DMD: variants seen among roughly 807,000 people sequenced by gnomAD.
DMD encodes dystrophin, also known as mutant dystrophin.
DMD carries 63 observed loss-of-function variants against 330.1 expected under a neutral mutation model. The observed-to-expected ratio is 0.19, with a 90% CI of 0.16 to 0.24. DMD has a LOEUF of 0.24. Among genes scored for constraint, DMD ranks in the 10% least tolerant of loss-of-function variants. DMD has a pLI of 1.00. For synonymous variants in DMD, 1,223 were observed against 959.8 expected, an observed-to-expected ratio of 1.27 and a Z score of -5.07; for missense variants, 3,344 against 2,684.1, an observed-to-expected ratio of 1.25 and a Z score of -5.43.
intron 1 of DMD, among the ~76,000 whole-genome samples, chrX:33,123,292 T>A (rs2095436331): frequency 1.8e-5 from 2 of 112,311 alleles, no homozygotes. Context: ...CACATAACTG[T>A]ATATATCCTG....
intron 16 of DMD, among the ~76,000 whole-genome samples, chrX:32,548,926 G>C (rs1485925486): frequency 9.0e-6 from 1 of 111,493 alleles, no homozygotes; most frequent in African/African-American, 3.2e-5. Context: ...ATAGAATATA[G>C]TTTGACCTAT....
chrX:32,496,437 G>C (rs1342871138), intron 19 of DMD, among the ~76,000 whole-genome samples: 2 of 111,798 alleles, frequency 1.8e-5, no homozygotes, highest in Non-Finnish European at 3.8e-5. Context: ...TGACCACACT[G>C]ACTTAAAGTA....
intron 2 of DMD, among the ~76,000 whole-genome samples, chrX:32,887,954 C>T (rs1486538208): frequency 9.2e-6 from 1 of 108,778 alleles, no homozygotes; most frequent in African/African-American, 3.4e-5. Flanking sequence ...TTCTCCTGCT[C>T]CATGAGTTGT....
intron 50 of DMD, among the ~76,000 whole-genome samples, chrX:31,787,371 T>G (rs1014659665): frequency 8.9e-6 from 1 of 112,001 alleles, no homozygotes; most frequent in African/African-American, 3.2e-5. Context: ...AATCATTCTC[T>G]AAATAAATAA....
chrX:31,451,278 TC>T (rs2065722708), intron 59 of DMD, among the ~76,000 whole-genome samples: 7 of 64,177 alleles, frequency 1.1e-4, no homozygotes, highest in South Asian at 1.3e-3. Context: ...TTCCTTTCTT[TC>T]CTTTTTTTTT....
intron 47 of DMD, among the ~76,000 whole-genome samples, chrX:31,911,809 T>A (rs1163369156): frequency 9.0e-6 from 1 of 111,264 alleles, no homozygotes; most frequent in Non-Finnish European, 1.9e-5. Flanking sequence ...TCGAAGCTGA[T>A]CCTCTTACAA....
At chrX:32,200,171 G>A (rs961890644) in intron 44 of DMD, among the ~76,000 whole-genome samples, 3 of 110,686 alleles carry the variant, frequency 2.7e-5, no homozygotes, top group African/African-American at 6.6e-5. Flanking sequence ...GGAGAGGAGC[G>A]GAGCTGGGAA....
Position 31,478,984 on chromosome X carries a change from T to C in DMD, c.8667A>G (p.Arg2889=). 1 of 1,210,463 alleles carries C rather than the reference T, an allele frequency of 8.3e-7. No homozygotes were observed. Among genetic ancestry groups the C allele is most frequent in the Non-Finnish European group, 1.1e-6 (1 of 894,431 alleles). The change falls in exon 58 of 79, where the codon AGA becomes AGG. Residue 2889 remains arginine, a splice_region_variant and synonymous_variant. Transcript: ENST00000357033. The part of the protein sequence containing the change: ...EGLEKLYQEP[R]ELPPEERAQN... ...TATTATAGTTCCACATTCAATTACC[T>C]CTGGGCTCCTGGTAGAGTTTCTCTA...
At chrX:31,814,843 T>C (rs914685297) in intron 50 of DMD, among the ~76,000 whole-genome samples, 1 of 112,216 alleles carries the variant, frequency 8.9e-6, no homozygotes, top group Non-Finnish European at 1.9e-5. Context: ...GAGGAACTTA[T>C]GGCTTTTCTT....
At chrX:31,353,788 G>C (rs1344978868) in intron 60 of DMD, among the ~76,000 whole-genome samples, 1 of 111,601 alleles carries the variant, frequency 9.0e-6, no homozygotes, top group African/African-American at 3.3e-5. Context: ...AGGGAAGTGA[G>C]ACTAAAAGGG....
At chrX:32,610,662 T>C (rs1444714322) in intron 12 of DMD, among the ~76,000 whole-genome samples, 9 of 111,410 alleles carry the variant, frequency 8.1e-5, no homozygotes, top group Admixed American at 2.9e-4. Context: ...ATCTGTATCT[T>C]TTCTTTAATT....
intron 41 of DMD, among the ~76,000 whole-genome samples, chrX:32,318,905 A>G (rs2097595789): frequency 1.8e-5 from 2 of 111,187 alleles, no homozygotes; most frequent in Admixed American, 1.9e-4. Context: ...CCAGGTATAA[A>G]TAGTGTCCTA....
In DMD at chrX:32,644,247, G is replaced by C. The variant is rs1569374104; in HGVS notation, c.1216C>G (p.Leu406Val). 3 of 1,210,795 alleles carry C rather than the reference G, an allele frequency of 2.5e-6. No individual in the cohort carries two copies. The highest frequency in any genetic ancestry group is 3.4e-6 in the Non-Finnish European group (3 of 894,953). ...TCTGATAATTTTCCTGTTCCAATCA[G>C]CTTACTTCCCAATTGTAGAATATTA... ...VGNILQLGSKLIGTGKLSEDE... is the reference protein window; with the variant it reads ...VGNILQLGSKVIGTGKLSEDE... Residue 406 changes from leucine to valine, a missense_variant, in exon 11 of 79, where the codon CTG (leucine) becomes GTG (valine). Coordinates refer to ENST00000357033, the MANE Select transcript of DMD (RefSeq NM_004006.3).
At chrX:31,251,725 G>A (rs1359932077) in intron 63 of DMD, among the ~76,000 whole-genome samples, 1 of 112,265 alleles carries the variant, frequency 8.9e-6, no homozygotes, top group Non-Finnish European at 1.9e-5. Context: ...AATCAGACTT[G>A]TGGGCTTAAA....
In DMD at chrX:32,468,528, C is replaced by T. The variant is rs758283681; in HGVS notation, c.3132G>A (p.Glu1044=). 71 of 1,207,272 alleles carry T rather than the reference C, an allele frequency of 5.9e-5. No individual in the cohort carries two copies. Among genetic ancestry groups the T allele is most frequent in the African/African-American group, 1.1e-4 (6 of 56,994 alleles). The change falls in exon 23 of 79, where the codon GAG becomes GAA. Residue 1044 remains glutamate, a synonymous_variant. Coordinates refer to ENST00000357033, the MANE Select transcript of DMD (RefSeq NM_004006.3). Reference sequence around the variant, plus strand: ...TTTTTCGGAGTTTATTCATTTGCTCCTCTAGCTTTTGACAATGCTCAACCA... The same window carrying T: ...TTTTTCGGAGTTTATTCATTTGCTCTTCTAGCTTTTGACAATGCTCAACCA... The part of the protein sequence containing the change: ...SQLVEHCQKL[E]EQMNKLRKIQ...
rs185390037 is a variant in DMD at position 33,334,881 on chromosome X, C to T, written c.7+4378G>A. Among the ~76,000 whole-genome samples the T allele has an allele frequency of 3.4e-4, 38 of 111,335 alleles. 2 individuals carry two copies. In the Admixed American group the frequency reaches 3.5e-3, roughly 10 times the overall value. On this transcript the variant is annotated intron_variant, in intron 1 of 17. Transcript: ENST00000288447. ...TCAATTTCCATTTAGTGCAGAAACT[C>T]CATTCTTAGCACTGAACACTTTAGG...
At chrX:33,219,959 G>A (rs1256426440) in intron 1 of DMD, among the ~76,000 whole-genome samples, 1 of 110,897 alleles carries the variant, frequency 9.0e-6, no homozygotes, top group Non-Finnish European at 1.9e-5. Flanking sequence ...AAGGGATGGT[G>A]AGTCACCTAG....
At chrX:31,370,311 T>G (rs2148649617) in intron 60 of DMD, among the ~76,000 whole-genome samples, 1 of 111,533 alleles carries the variant, frequency 9.0e-6, no homozygotes, top group East Asian at 2.8e-4. Context: ...AGGACTAGTA[T>G]CTGATACAGA....
intron 53 of DMD, among the ~76,000 whole-genome samples, chrX:31,678,935 C>T (rs1218148316): frequency 8.9e-6 from 1 of 112,325 alleles, no homozygotes; most frequent in Non-Finnish European, 1.9e-5. Context: ...TCTACCTTGA[C>T]TCAAAAGTCT....
Sources: allele counts gnomAD v4.1 joint callset (sites outside exome capture counted in the v4.1 genomes callset), GRCh38; gene constraint gnomAD v4.1.1; transcripts MANE v1.5; gene names NCBI Gene and HGNC (gene_info 2026-07-23, HGNC 2026-07-21).